DACH1: variants seen among roughly 807,000 people sequenced by gnomAD.
DACH1 encodes dachshund family transcription factor 1, also known as dachshund homolog 1.
DACH1 carries 12 observed loss-of-function variants against 54.2 expected under a neutral mutation model. That is an observed-to-expected ratio of 0.22 (90% CI 0.14 to 0.36). DACH1 has a LOEUF of 0.36. Among genes scored for constraint, DACH1 ranks in the 10% least tolerant of loss-of-function variants. DACH1 has a pLI of 1.00. For missense variants in DACH1, 805 were observed against 929.8 expected, an observed-to-expected ratio of 0.87 and a Z score of 1.75; for synonymous variants, 386 against 366.2, an observed-to-expected ratio of 1.05 and a Z score of -0.62.
chr13:71,610,430 T>C (rs769932405), intron 3 of DACH1, among the ~76,000 whole-genome samples: 1 of 152,190 alleles, frequency 6.6e-6, no homozygotes, highest in Non-Finnish European at 1.5e-5. Flanking sequence ...AATCTAGTTT[T>C]TGTTTTGTTT....
chr13:71,806,033 C>A (rs1887485520), intron 1 of DACH1, among the ~76,000 whole-genome samples: 1 of 152,098 alleles, frequency 6.6e-6, no homozygotes, highest in Non-Finnish European at 1.5e-5. Context: ...TCTCGAACTC[C>A]CGACCTCAGG....
At chr13:71,592,195 G>T (rs552657627) in intron 3 of DACH1, among the ~76,000 whole-genome samples, 172 of 152,182 alleles carry the variant, frequency 1.1e-3, no homozygotes, top group African/African-American at 4.0e-3. Flanking sequence ...GGAGGAGAAA[G>T]AAGTACTTTG....
chr13:71,486,812 T>TTATTTATTTATCTATC (rs1878556710), intron 7 of DACH1, among the ~76,000 whole-genome samples: 1 of 41,760 alleles, frequency 2.4e-5, no homozygotes, highest in African/African-American at 4.5e-5. Context: ...ATTTATTTAT[T>TTATTTATTTATCTATC]TATCTATCTA....
chr13:71,852,378 T>C (rs1306568199), intron 1 of DACH1, among the ~76,000 whole-genome samples: 1 of 150,756 alleles, frequency 6.6e-6, no homozygotes, highest in Non-Finnish European at 1.5e-5. Flanking sequence ...TTTTTTTTTT[T>C]CCTAATCAGA....
At chr13:71,471,266 G>A (rs1213634249) in intron 10 of DACH1, among the ~76,000 whole-genome samples, 4 of 151,920 alleles carry the variant, frequency 2.6e-5, no homozygotes, top group Admixed American at 2.0e-4. Flanking sequence ...TGGACTAGAT[G>A]GATTAGGGTG....
At chr13:71,450,190 T>G (rs985974200) in intron 10 of DACH1, among the ~76,000 whole-genome samples, 2 of 151,872 alleles carry the variant, frequency 1.3e-5, no homozygotes, top group Admixed American at 1.3e-4. Flanking sequence ...TTTTTGGTTT[T>G]TTGTTTGTTT....
intron 3 of DACH1, among the ~76,000 whole-genome samples, chr13:71,577,734 T>A (rs1593924290): frequency 1.3e-5 from 2 of 151,988 alleles, no homozygotes; most frequent in Admixed American, 6.6e-5. Context: ...GTAAATAAAC[T>A]GAAATAAAGG....
At chr13:71,841,031 G>A (rs1257309311) in intron 1 of DACH1, among the ~76,000 whole-genome samples, 1 of 152,002 alleles carries the variant, frequency 6.6e-6, no homozygotes, top group East Asian at 1.9e-4. Context: ...GCCTAAATAG[G>A]GTAACCTTCA....
chr13:71,705,510 A>T (rs1294228488), intron 1 of DACH1, among the ~76,000 whole-genome samples: 1 of 151,392 alleles, frequency 6.6e-6, no homozygotes, highest in African/African-American at 2.5e-5. Flanking sequence ...ACTCATCATT[A>T]AAAAATCATT....
chr13:71,761,319 T>C (rs1885390469), intron 1 of DACH1, among the ~76,000 whole-genome samples: 1 of 152,188 alleles, frequency 6.6e-6, no homozygotes, highest in Admixed American at 6.6e-5. Context: ...GGGTACAATG[T>C]GTATAATAGC....
intron 1 of DACH1, among the ~76,000 whole-genome samples, chr13:71,832,117 G>A (rs1888616297): frequency 6.6e-6 from 1 of 151,950 alleles, no homozygotes; most frequent in South Asian, 2.1e-4. Flanking sequence ...CTATTGAGAA[G>A]CATTTGCGTG....
intron 6 of DACH1, among the ~76,000 whole-genome samples, chr13:71,531,741 ATGT>A (rs1435669307): frequency 5.3e-5 from 8 of 151,968 alleles, no homozygotes; most frequent in Non-Finnish European, 1.2e-4. Flanking sequence ...TTTGTTATTA[ATGT>A]TGTCATTTTC....
intron 1 of DACH1, among the ~76,000 whole-genome samples, chr13:71,764,763 G>A (rs756471656): frequency 6.6e-6 from 1 of 152,104 alleles, no homozygotes; most frequent in Admixed American, 6.5e-5. Context: ...ATGCCAATGT[G>A]GTAAATATCT....
At chr13:71,690,497 G>A (rs1200404943) in intron 1 of DACH1, among the ~76,000 whole-genome samples, 5 of 152,080 alleles carry the variant, frequency 3.3e-5, no homozygotes, top group African/African-American at 9.7e-5. Flanking sequence ...ATCCCCTAAA[G>A]AACAAATTCT....
At chr13:71,617,013 CT>C (rs1875833425) in intron 3 of DACH1, among the ~76,000 whole-genome samples, 1 of 151,748 alleles carries the variant, frequency 6.6e-6, no homozygotes, top group African/African-American at 2.4e-5. Flanking sequence ...TCCCGAGTAG[CT>C]GGGATTACAG....
intron 3 of DACH1, among the ~76,000 whole-genome samples, chr13:71,595,815 C>T (rs542771368): frequency 1.3e-5 from 2 of 152,232 alleles, no homozygotes; most frequent in Admixed American, 1.3e-4. Flanking sequence ...GGACTCTACC[C>T]TCCTAACCTT....
chr13:71,725,799 T>C (rs1373929602), intron 1 of DACH1, among the ~76,000 whole-genome samples: 1 of 152,084 alleles, frequency 6.6e-6, no homozygotes, highest in African/African-American at 2.4e-5. Flanking sequence ...TTAAAAAATA[T>C]GAGTGGAAGA....
intron 1 of DACH1, among the ~76,000 whole-genome samples, chr13:71,734,863 C>T (rs1036550375): frequency 2.7e-5 from 4 of 145,802 alleles, no homozygotes; most frequent in Admixed American, 1.4e-4. Context: ...ATCCCATATA[C>T]GTATACCCCA....
chr13:71,863,508 A>G (rs920068218), intron 1 of DACH1, among the ~76,000 whole-genome samples: 3 of 152,242 alleles, frequency 2.0e-5, no homozygotes, highest in African/African-American at 4.8e-5. Flanking sequence ...TGACTGAAAC[A>G]TAATTACAGT....
Sources: gnomAD v4.1 joint callset for allele counts (sites outside exome capture counted in the v4.1 genomes callset) on GRCh38, gnomAD v4.1.1 for gene constraint, MANE v1.5 for transcripts, NCBI Gene and HGNC (gene_info 2026-07-23, HGNC 2026-07-21) for gene names.